ESYT2: variants seen among roughly 807,000 people sequenced by gnomAD.
ESYT2 encodes extended synaptotagmin-2.
A neutral mutation model predicts 107.2 loss-of-function variants in ESYT2; 54 were observed. That is an observed-to-expected ratio of 0.50 (90% CI 0.40 to 0.63). The LOEUF (loss-of-function observed/expected upper bound fraction) is 0.63, where lower values mean the gene tolerates loss of function less well. Ranked by LOEUF, ESYT2 falls within the 30% of genes least tolerant of loss-of-function variation. ESYT2 has a pLI of 0.00. For missense variants in ESYT2, 1,020 were observed against 1,094.5 expected (o/e 0.93, Z 0.96); for synonymous variants, 491 against 434.1 (o/e 1.13, Z -1.63).
At chr7:158,800,843 C>A (rs1374573661) in intron 1 of ESYT2, among the ~76,000 whole-genome samples, 2 of 152,158 alleles carry the variant, frequency 1.3e-5, no homozygotes, top group Non-Finnish European at 2.9e-5. Flanking sequence ...ATTCTCCTGC[C>A]TCAGCCTCCC....
intron 6 of ESYT2, among the ~76,000 whole-genome samples, chr7:158,782,070 G>A (rs560165728): frequency 8.3e-6 from 1 of 120,422 alleles, no homozygotes; most frequent in African/African-American, 3.4e-5. Flanking sequence ...TGTGAAGTGT[G>A]GTGTATGTAA....
At chr7:158,770,681 AT>A (rs1485134025) in intron 7 of ESYT2, among the ~76,000 whole-genome samples, 1 of 151,748 alleles carries the variant, frequency 6.6e-6, no homozygotes, top group Non-Finnish European at 1.5e-5. Context: ...TGCCCGGCTA[AT>A]TTTTTTGTAT....
At chr7:158,757,374 T>C (rs1837794777) in intron 13 of ESYT2, among the ~76,000 whole-genome samples, 1 of 152,120 alleles carries the variant, frequency 6.6e-6, no homozygotes, top group Non-Finnish European at 1.5e-5. Flanking sequence ...CACAAAACAC[T>C]AGTCCCGACG....
Position 158,739,016 on chromosome 7 carries a change from C to T in ESYT2, c.2267+7G>A. 1.2e-6 allele frequency: 2 copies of T among 1,612,996 alleles called. No homozygotes were observed. The highest frequency in any genetic ancestry group is 1.3e-5 in the African/African-American group (1 of 75,020). On this transcript the variant is annotated splice_region_variant and intron_variant, in intron 19 of 22. Transcript: ENST00000275418. ...CAGCAGCGGGCGCGTGGGACCCCAGCCCCCACCTGCAGGCATGCACGACCA... is the reference window on the plus strand; with the variant it reads ...CAGCAGCGGGCGCGTGGGACCCCAGTCCCCACCTGCAGGCATGCACGACCA...
Position 158,760,076 on chromosome 7 carries a change from A to G in ESYT2, c.1305T>C (p.Asn435=), listed in dbSNP as rs1837906118. 3 of 1,614,094 alleles carry G rather than the reference A, an allele frequency of 1.9e-6. No homozygotes were observed. The highest frequency in any genetic ancestry group is 2.2e-5 in the South Asian group (2 of 91,086). ...LRLEWLTLMP[N]ASNLDKVLTD... is the part of the protein sequence containing the mutation. Reference sequence around the variant, plus strand: ...ACAGCACCTTGTCGAGGTTTGACGCATTTGGCATTAACGTGAGCCACTCCA... The same window carrying G: ...ACAGCACCTTGTCGAGGTTTGACGCGTTTGGCATTAACGTGAGCCACTCCA... The change falls in exon 12 of 23, where the codon AAT becomes AAC. Residue 435 remains asparagine (N), a synonymous_variant. Coordinates refer to ENST00000275418, the MANE Select transcript of ESYT2 (RefSeq NM_001367773.1).
chr7:158,748,479 G>T (rs1211450433), intron 15 of ESYT2, among the ~76,000 whole-genome samples, 199 bp from the exon 16 acceptor site: 1 of 152,196 alleles, frequency 6.6e-6, no homozygotes, highest in African/African-American at 2.4e-5. Context: ...TGGATGTGTT[G>T]AAAAGATAAC....
intron 6 of ESYT2, among the ~76,000 whole-genome samples, chr7:158,784,303 T>C (rs1297730846): frequency 1.3e-5 from 2 of 152,232 alleles, no homozygotes; most frequent in Admixed American, 1.3e-4. Flanking sequence ...TGGAATTCAC[T>C]GCAGCCTCAT....
intron 11 of ESYT2, 105 bp downstream of exon 11, chr7:158,761,391 A>T: frequency 1.1e-6 from 1 of 910,542 alleles, no homozygotes; most frequent in Admixed American, 2.1e-5. Flanking sequence ...ACTAATTAGG[A>T]TTCCGGCACT....
intron 8 of ESYT2, among the ~76,000 whole-genome samples, 161 bp from the exon 9 acceptor site, chr7:158,765,014 T>C (rs1292983240): frequency 6.6e-6 from 1 of 151,692 alleles, no homozygotes; most frequent in Non-Finnish European, 1.5e-5. Flanking sequence ...GAAATGCAAG[T>C]GTGTATAGGA....
intron 21 of ESYT2, among the ~76,000 whole-genome samples, chr7:158,734,818 G>A (rs1409104059): frequency 6.6e-6 from 1 of 152,192 alleles, no homozygotes; most frequent in Non-Finnish European, 1.5e-5. Flanking sequence ...AGTAGGCTAA[G>A]ACAATGTCTT....
intron 8 of ESYT2, among the ~76,000 whole-genome samples, chr7:158,766,806 T>G (rs1259103242): frequency 6.6e-6 from 1 of 152,212 alleles, no homozygotes; most frequent in Non-Finnish European, 1.5e-5. Flanking sequence ...ACGGTGGTAA[T>G]GCTCACTGGC....
chr7:158,809,737 G>A lies in ESYT2; in HGVS notation c.331-10665C>T, dbSNP rs566774086. On this transcript the variant is annotated intron_variant, in intron 1 of 22. Transcript: ENST00000275418. ...GTTTCAGCCTGAAGGTTTCCTAACT[G>A]GATGTGTGAAGAGACTGTAGCATAC... 1.2e-4 allele frequency among the ~76,000 whole-genome samples: 18 copies of A among 152,314 alleles called. 1 individual carries two copies. The South Asian group carries it at 3.7e-3, about 32-fold the overall frequency.
chr7:158,828,005 C>A (rs115366692), intron 1 of ESYT2, among the ~76,000 whole-genome samples: 2 of 152,150 alleles, frequency 1.3e-5, no homozygotes, highest in East Asian at 3.8e-4. Context: ...TAAAATAATA[C>A]CATGACTCTT....
chr7:158,811,534 C>T (rs562431167), intron 1 of ESYT2, among the ~76,000 whole-genome samples: 1 of 152,298 alleles, frequency 6.6e-6, no homozygotes, highest in East Asian at 1.9e-4. Flanking sequence ...ATGAACCATG[C>T]GCGTTCACAG....
At chr7:158,751,734 C>T (rs939059646) in intron 14 of ESYT2, among the ~76,000 whole-genome samples, 9 of 151,722 alleles carry the variant, frequency 5.9e-5, no homozygotes, top group Non-Finnish European at 1.2e-4. Context: ...ACAGAGTGGA[C>T]GAAGTGTCTT....
At chr7:158,740,860 G>T (rs778290622) in intron 18 of ESYT2, among the ~76,000 whole-genome samples, 1 of 152,114 alleles carries the variant, frequency 6.6e-6, no homozygotes, top group African/African-American at 2.4e-5. Flanking sequence ...CTCCGTTTCT[G>T]TTACTATTTT....
At chr7:158,754,277 G>A (rs993832085) in intron 13 of ESYT2, among the ~76,000 whole-genome samples, 5 of 152,116 alleles carry the variant, frequency 3.3e-5, no homozygotes, top group Admixed American at 3.3e-4. Flanking sequence ...CACCATCTTG[G>A]CTCACTGCAA....
At chr7:158,827,899 A>C (rs952585769) in intron 1 of ESYT2, among the ~76,000 whole-genome samples, 2 of 152,232 alleles carry the variant, frequency 1.3e-5, no homozygotes, top group African/African-American at 4.8e-5. Flanking sequence ...GTCATGGCTA[A>C]GAAAGAATTA....
intron 4 of ESYT2, among the ~76,000 whole-genome samples, chr7:158,791,136 C>T (rs997966238): frequency 7.2e-5 from 11 of 152,192 alleles, no homozygotes; most frequent in African/African-American, 2.7e-4. Context: ...TGGCAACCAC[C>T]ATTCCGCTTC....
Sources: gnomAD v4.1 joint callset for allele counts (sites outside exome capture counted in the v4.1 genomes callset) on GRCh38, gnomAD v4.1.1 for gene constraint, MANE v1.5 for transcripts, NCBI Gene and HGNC (gene_info 2026-07-23, HGNC 2026-07-21) for gene names.